ZNF76: variants seen among roughly 807,000 people sequenced by gnomAD.
ZNF76 encodes the protein zinc finger protein 76.
ZNF76 carries 66 observed loss-of-function variants against 66.9 expected under a neutral mutation model. The observed-to-expected ratio is 0.99, with a 90% confidence interval of 0.81 to 1.21. The LOEUF is 1.21. ZNF76 is among the 50% of genes most tolerant of loss of function. ZNF76 has a pLI of 0.00. For synonymous variants in ZNF76, 275 were observed against 296.1 expected (o/e 0.93, Z 0.73); for missense variants, 729 against 760.3 (o/e 0.96, Z 0.48).
At chr6:35,269,314 G>A (rs907248247) in intron 1 of ZNF76, among the ~76,000 whole-genome samples, 13 of 149,400 alleles carry the variant, frequency 8.7e-5, no homozygotes, top group Non-Finnish European at 1.6e-4. Context: ...TGTATGAGGC[G>A]TACTCAGGCT....
chr6:35,271,440 G>A (rs1217449801), intron 1 of ZNF76, among the ~76,000 whole-genome samples: 2 of 152,160 alleles, frequency 1.3e-5, no homozygotes, highest in East Asian at 3.8e-4. Flanking sequence ...AGGCCAAGGC[G>A]GGCAGATCAC....
At position 35,278,474 on chromosome 6, in the gene ZNF76, T is replaced by A. The variant is rs73745159; in HGVS notation, c.-96-2582T>A. On this transcript the variant is annotated intron_variant, in intron 1 of 13. Transcript: ENST00000373953. ...AAAGCCCCAGTTGGTCGCTTCTGGC[T>A]TGAAGCAGTGACATCTGCAATGTGA... 5.7e-3 allele frequency among the ~76,000 whole-genome samples: 868 copies of A among 152,372 alleles called. 8 individuals carry two copies. Among genetic ancestry groups the A allele is most frequent in the African/African-American group, 0.017 (687 of 41,584 alleles).
At chr6:35,289,462 T>C (rs182832730) in intron 5 of ZNF76, among the ~76,000 whole-genome samples, 2 of 152,252 alleles carry the variant, frequency 1.3e-5, no homozygotes, top group African/African-American at 2.4e-5. Context: ...CTGTAACTTG[T>C]AGAGTTCAGT....
At chr6:35,283,556 G>A (rs1439782809) in intron 2 of ZNF76, among the ~76,000 whole-genome samples, 1 of 152,236 alleles carries the variant, frequency 6.6e-6, no homozygotes, top group Non-Finnish European at 1.5e-5. Context: ...TCACCTCTCT[G>A]TAATGGGATA....
At position 35,287,740 on chromosome 6, in the gene ZNF76, C is replaced by T. The variant is rs1031991415; in HGVS notation, c.327C>T (p.Thr109=). ...HHPVAVPSES[T]ILAVQTEVGL... is the part of the protein sequence containing the mutation. ...CTGTGGCTGTGCCATCGGAGAGCAC[C>T]ATCCTGGCCGTACAGACAGAGGTGG... The change falls in exon 5 of 14, where the codon ACC becomes ACT. Residue 109 remains threonine (T), a synonymous_variant. Coordinates refer to ENST00000373953, the MANE Select transcript of ZNF76 (RefSeq NM_003427.5). This position sits in a 1 kb window ranked among gnomAD's most constrained non-coding sequence, Gnocchi z 4.0. 2 of 1,614,218 alleles carry T rather than the reference C, an allele frequency of 1.2e-6. No homozygotes were observed. The highest frequency in any genetic ancestry group is 1.7e-6 in the Non-Finnish European group (2 of 1,180,038).
chr6:35,292,542 C>T lies in ZNF76; in HGVS notation c.932-12C>T, dbSNP rs778065004. On this transcript the variant is annotated splice_polypyrimidine_tract_variant and intron_variant, in intron 9 of 13. Coordinates refer to ENST00000373953, the MANE Select transcript of ZNF76 (RefSeq NM_003427.5). This position sits in a 1 kb window ranked among gnomAD's most constrained non-coding sequence, Gnocchi z 4.7. Reference sequence around the variant, plus strand: ...CCCAGTTCCCACCCCCCTCACAGCCCAGTGTCCCCAGGGGAGAAGCCATAC... The same window carrying T: ...CCCAGTTCCCACCCCCCTCACAGCCTAGTGTCCCCAGGGGAGAAGCCATAC... The T allele has an allele frequency of 3.8e-5, 62 of 1,612,828 alleles. 1 individual carries two copies. The highest frequency in any genetic ancestry group is 1.7e-5 in the Admixed American group (1 of 60,002).
chr6:35,293,289 G>T (rs1314419399), intron 11 of ZNF76, among the ~76,000 whole-genome samples: 3 of 152,204 alleles, frequency 2.0e-5, no homozygotes, highest in Non-Finnish European at 4.4e-5. Context: ...TTACTTGGAG[G>T]CTGACAGGTC....
chr6:35,267,156 G>A (rs1162721981), intron 1 of ZNF76, among the ~76,000 whole-genome samples: 3 of 151,862 alleles, frequency 2.0e-5, no homozygotes, highest in Non-Finnish European at 4.4e-5. Flanking sequence ...GTGCAGTGGC[G>A]CAATCATGGA....
chr6:35,292,130 C>T lies in ZNF76; in HGVS notation c.931+393C>T, dbSNP rs1790485146. ...TCCATGACTCCTGTGTATCCTCACCCTCCCCAGTGTTATGCCCCTCATCCA... is the reference window on the plus strand; with the variant it reads ...TCCATGACTCCTGTGTATCCTCACCTTCCCCAGTGTTATGCCCCTCATCCA... On this transcript the variant is annotated intron_variant, in intron 9 of 13. Transcript: ENST00000373953. This position sits in a 1 kb window ranked among gnomAD's most constrained non-coding sequence, Gnocchi z 4.7. 2.5e-6 allele frequency: 1 copy of T among 408,124 alleles called. No homozygotes were observed. The highest frequency in any genetic ancestry group is 4.6e-6 in the Non-Finnish European group (1 of 217,340). 25.3% of individuals were successfully genotyped at this position (408,124 alleles called of 1,614,324 possible). A position where few individuals can be genotyped will look rare whatever the true frequency, so the allele number is the denominator to read the frequency against.
Position 35,287,620 on chromosome 6 carries a change from C to A in ZNF76, c.233-26C>A. On this transcript the variant is annotated intron_variant, in intron 4 of 13. Transcript: ENST00000373953. The surrounding 1 kb of genome is among the most constrained non-coding windows in gnomAD (Gnocchi z 4.0). ...TGTATCTCTTCCCCTTGTGTGGCAT[C>A]AGGGCTAACCGCGTGTTCCCTGCAG... is the stretch of plus-strand genomic sequence containing the variant. 2 of 1,574,892 alleles carry A rather than the reference C, an allele frequency of 1.3e-6. No individual in the cohort carries two copies. Among genetic ancestry groups the A allele is most frequent in the Non-Finnish European group, 1.7e-6 (2 of 1,158,360 alleles).
At chr6:35,273,317 C>T (rs966737203) in intron 1 of ZNF76, among the ~76,000 whole-genome samples, 1 of 150,672 alleles carries the variant, frequency 6.6e-6, no homozygotes, top group African/African-American at 2.4e-5. Flanking sequence ...GGATTGCAGG[C>T]GTGCACCACC....
At chr6:35,273,943 G>A (rs185585187) in intron 1 of ZNF76, among the ~76,000 whole-genome samples, 68 of 152,300 alleles carry the variant, frequency 4.5e-4, no homozygotes, top group Admixed American at 1.2e-3. Context: ...GTTAGTGCAA[G>A]TTTGTGTTAC....
intron 5 of ZNF76, 27 bp from the exon 6 acceptor site, chr6:35,290,239 A>G (rs773416497): frequency 4.5e-5 from 73 of 1,613,608 alleles, no homozygotes; most frequent in Non-Finnish European, 6.1e-5. Context: ...GAGAATACAT[A>G]TAGGGATCTC....
chr6:35,283,617 T>A (rs1426821391), intron 2 of ZNF76, among the ~76,000 whole-genome samples: 2 of 152,184 alleles, frequency 1.3e-5, no homozygotes, highest in African/African-American at 4.8e-5. Context: ...TCCATTGTAG[T>A]CTCTGGTTGT....
intron 1 of ZNF76, among the ~76,000 whole-genome samples, chr6:35,263,331 T>C (rs1785521313): frequency 6.6e-6 from 1 of 152,250 alleles, no homozygotes; most frequent in Non-Finnish European, 1.5e-5. Flanking sequence ...GCTTGCTGTA[T>C]ATGCCCTCAG....
chr6:35,276,390 T>G (rs1201968147), intron 1 of ZNF76, among the ~76,000 whole-genome samples: 2 of 152,238 alleles, frequency 1.3e-5, no homozygotes, highest in East Asian at 3.8e-4. Flanking sequence ...AGCATTTCCC[T>G]TTAGGTTCCT....
intron 1 of ZNF76, among the ~76,000 whole-genome samples, chr6:35,277,018 C>G (rs930095434): frequency 6.7e-6 from 1 of 149,970 alleles, no homozygotes. Context: ...AGGCTGGTCT[C>G]GAACTCCTGA....
At position 35,291,408 on chromosome 6, in the gene ZNF76, G is replaced by T; in HGVS notation, c.751+5G>T. Reference sequence around the variant, plus strand: ...AGCATGTCCGTACCCACACTGGTATGCTGGGCCCTGCCCACTCCAACCCCA... The same window carrying T: ...AGCATGTCCGTACCCACACTGGTATTCTGGGCCCTGCCCACTCCAACCCCA... On this transcript the variant is annotated splice_donor_5th_base_variant and intron_variant, in intron 8 of 13. Coordinates refer to ENST00000373953, the MANE Select transcript of ZNF76 (RefSeq NM_003427.5). 1 of 1,614,100 alleles carries T rather than the reference G, an allele frequency of 6.2e-7. No individual in the cohort carries two copies. The highest frequency in any genetic ancestry group is 8.5e-7 in the Non-Finnish European group (1 of 1,180,010).
At chr6:35,294,785 C>T (rs1207278617) in intron 13 of ZNF76, 1 of 602,646 alleles carries the variant, frequency 1.7e-6, no homozygotes, top group Non-Finnish European at 3.0e-6. Context: ...TTCAGGATAA[C>T]TCCGATGGCA....
Sources: gnomAD v4.1 joint callset for allele counts (sites outside exome capture counted in the v4.1 genomes callset) on GRCh38, gnomAD v4.1.1 for gene constraint, Gnocchi (gnomAD v3.1) non-coding constraint, MANE v1.5 for transcripts, NCBI Gene and HGNC (gene_info 2026-07-23, HGNC 2026-07-21) for gene names.